The following ERBB4 variants were observed in gnomAD, a reference collection of about 807,000 sequenced individuals.
ERBB4 encodes the protein receptor tyrosine-protein kinase erbB-4.
ERBB4 carries 42 observed loss-of-function variants against 158.0 expected under a neutral mutation model. That is an observed-to-expected ratio of 0.27 (90% CI 0.21 to 0.34). The LOEUF (loss-of-function observed/expected upper bound fraction) is 0.34, where lower values mean the gene tolerates loss of function less well. ERBB4 is among the 10% of genes least tolerant of loss of function. The pLI, the probability that ERBB4 is intolerant of heterozygous loss-of-function variation, is 1.00. For synonymous variants in ERBB4, 583 were observed against 558.7 expected (o/e 1.04, Z -0.61); for missense variants, 1,333 against 1,624.1 (o/e 0.82, Z 3.08).
At chr2:212,102,270 T>A (rs1015472641) in intron 2 of ERBB4, among the ~76,000 whole-genome samples, 15 of 151,678 alleles carry the variant, frequency 9.9e-5, no homozygotes, top group African/African-American at 3.6e-4. Flanking sequence ...GATTTTCTGG[T>A]TTCATATTTC....
At chr2:211,756,391 G>A (rs2075288186) in intron 4 of ERBB4, among the ~76,000 whole-genome samples, 1 of 152,168 alleles carries the variant, frequency 6.6e-6, no homozygotes, top group African/African-American at 2.4e-5. Context: ...GAGCACAACT[G>A]TTTGGGGCCA....
At chr2:212,455,679 C>A (rs1351252822) in intron 1 of ERBB4, among the ~76,000 whole-genome samples, 1 of 151,918 alleles carries the variant, frequency 6.6e-6, no homozygotes, top group East Asian at 1.9e-4. Context: ...AAATTCTAAA[C>A]CTCAGATGCA....
At chr2:212,537,500 G>A (rs2106362155) in intron 1 of ERBB4, among the ~76,000 whole-genome samples, 1 of 152,146 alleles carries the variant, frequency 6.6e-6, no homozygotes, top group South Asian at 2.1e-4. Context: ...GGGTCAATTA[G>A]CCCTTTGCCT....
chr2:211,482,032 G>T (rs2065095361), intron 20 of ERBB4, among the ~76,000 whole-genome samples: 1 of 152,130 alleles, frequency 6.6e-6, no homozygotes, highest in Non-Finnish European at 1.5e-5. Context: ...AATCCAAGTA[G>T]AGACAGGCAG....
intron 21 of ERBB4, among the ~76,000 whole-genome samples, chr2:211,430,275 G>C (rs2063721639): frequency 6.6e-6 from 1 of 152,044 alleles, no homozygotes; most frequent in Admixed American, 6.6e-5. Flanking sequence ...CTGACCTTAG[G>C]TTTCACTAGG....
chr2:212,252,972 A>C (rs77022456), intron 1 of ERBB4, among the ~76,000 whole-genome samples: 1 of 152,176 alleles, frequency 6.6e-6, no homozygotes, highest in Admixed American at 6.6e-5. Context: ...GAAAATTTGC[A>C]TAACATCATT....
chr2:212,346,651 G>C (rs755630980), intron 1 of ERBB4, among the ~76,000 whole-genome samples: 3 of 151,952 alleles, frequency 2.0e-5, no homozygotes, highest in African/African-American at 7.3e-5. Context: ...AGTTATATTT[G>C]ATGGAGGTTT....
intron 3 of ERBB4, among the ~76,000 whole-genome samples, chr2:211,877,351 C>CTT (rs35012873): frequency 8.6e-5 from 13 of 151,876 alleles, no homozygotes; most frequent in Admixed American, 8.5e-4. Context: ...CCAGATTATG[C>CTT]TTTTTTTACT....
intron 20 of ERBB4, among the ~76,000 whole-genome samples, chr2:211,436,320 G>A (rs763620490): frequency 6.6e-6 from 1 of 152,082 alleles, no homozygotes; most frequent in Non-Finnish European, 1.5e-5. Context: ...TCTTATTTTG[G>A]TCACAGAGAA....
intron 1 of ERBB4, among the ~76,000 whole-genome samples, chr2:212,492,754 T>C (rs1353507797): frequency 6.6e-6 from 1 of 151,504 alleles, no homozygotes; most frequent in Non-Finnish European, 1.5e-5. Flanking sequence ...GAATAAGCCA[T>C]TTAATTTCTC....
intron 3 of ERBB4, among the ~76,000 whole-genome samples, chr2:211,789,361 C>T (rs1206558781): frequency 1.3e-5 from 2 of 152,164 alleles, no homozygotes; most frequent in Non-Finnish European, 2.9e-5. Context: ...ACTATCTGTT[C>T]TGCCATCCTC....
chr2:211,728,313 T>C (rs2074330509), intron 5 of ERBB4, among the ~76,000 whole-genome samples: 1 of 151,768 alleles, frequency 6.6e-6, no homozygotes, highest in Non-Finnish European at 1.5e-5. Flanking sequence ...GGCACTTACA[T>C]AGTTTTATTT....
intron 20 of ERBB4, among the ~76,000 whole-genome samples, chr2:211,464,815 C>T (rs1042926647): frequency 6.6e-6 from 1 of 151,880 alleles, no homozygotes; most frequent in African/African-American, 2.4e-5. Flanking sequence ...TCTAATGGAC[C>T]ATACCTCACT....
intron 1 of ERBB4, among the ~76,000 whole-genome samples, chr2:212,301,966 G>T (rs16848282): frequency 0.03 from 4,567 of 151,502 alleles, 237 homozygotes; most frequent in African/African-American, 0.1. Context: ...ATTGGCAGGG[G>T]TATCCTATGT....
At chr2:211,914,634 A>C (rs1375198475) in intron 3 of ERBB4, among the ~76,000 whole-genome samples, 1 of 152,130 alleles carries the variant, frequency 6.6e-6, no homozygotes, top group East Asian at 1.9e-4. Context: ...GTGGAACTAT[A>C]AATGCATGTA....
rs1033506010 is a variant in ERBB4 at position 211,379,136 on chromosome 2, T to C, written c.*4479A>G. The C allele has an allele frequency of 3.9e-5, 9 of 230,618 alleles. No homozygotes were observed. The highest frequency in any genetic ancestry group is 6.0e-5 in the Non-Finnish European group (7 of 116,478). 14.3% of individuals were successfully genotyped at this position (230,618 alleles called of 1,614,324 possible). A position where few individuals can be genotyped will look rare whatever the true frequency, so the allele number is the denominator to read the frequency against. On this transcript the variant is annotated 3_prime_UTR_variant, in exon 28 of 28. Coordinates refer to ENST00000342788, the MANE Select transcript of ERBB4 (RefSeq NM_005235.3). Reference sequence around the variant, plus strand: ...GAAAAATTGTGATTCTTTGTTGTCATTTTTGGAGGCAAGAGGGCATAGTGA... The same window carrying C: ...GAAAAATTGTGATTCTTTGTTGTCACTTTTGGAGGCAAGAGGGCATAGTGA...
chr2:212,467,115 T>C (rs1158263566), intron 1 of ERBB4, among the ~76,000 whole-genome samples: 1 of 152,122 alleles, frequency 6.6e-6, no homozygotes, highest in Non-Finnish European at 1.5e-5. Context: ...GACTTGGGTG[T>C]TGTCAAGGGC....
intron 1 of ERBB4, among the ~76,000 whole-genome samples, chr2:212,398,994 A>G (rs901136245): frequency 6.6e-6 from 1 of 151,872 alleles, no homozygotes; most frequent in African/African-American, 2.4e-5. Flanking sequence ...CCCAGGTTGG[A>G]GTGCAGTGGC....
At chr2:211,652,569 T>C (rs1191794999) in intron 16 of ERBB4, among the ~76,000 whole-genome samples, 3 of 152,196 alleles carry the variant, frequency 2.0e-5, no homozygotes, top group Non-Finnish European at 2.9e-5. Flanking sequence ...ATATCACACA[T>C]GGGTCACACT....
Sources: allele counts gnomAD v4.1 joint callset (sites outside exome capture counted in the v4.1 genomes callset), GRCh38; gene constraint gnomAD v4.1.1; transcripts MANE v1.5; gene names NCBI Gene and HGNC (gene_info 2026-07-23, HGNC 2026-07-21).